TBCK: variants seen among roughly 807,000 people sequenced by gnomAD.
TBCK encodes the protein TBC1 domain containing kinase, also known as TBC domain-containing protein kinase-like protein.
TBCK carries 99 observed loss-of-function variants against 113.4 expected under a neutral mutation model. That is an observed-to-expected ratio of 0.87 (90% confidence interval 0.74 to 1.03). The LOEUF (loss-of-function observed/expected upper bound fraction) is 1.03, where lower values mean the gene tolerates loss of function less well. Among genes scored for constraint, TBCK ranks in the 50% least tolerant of loss-of-function variants. The probability of loss-of-function intolerance (pLI) is 0.00; values close to 1 mark genes in which losing one functional copy is unlikely to be tolerated. For synonymous variants in TBCK, 369 were observed against 370.8 expected (o/e 1.00, Z 0.05); for missense variants, 1,045 against 1,061.3 (o/e 0.98, Z 0.21).
intron 23 of TBCK, among the ~76,000 whole-genome samples, chr4:106,149,206 AC>A (rs910321230): frequency 6.6e-6 from 1 of 152,062 alleles, no homozygotes; most frequent in Non-Finnish European, 1.5e-5. Flanking sequence ...GACCACTAAA[AC>A]TTTCTCCATA....
At chr4:106,279,762 C>A (rs1764394589) in intron 3 of TBCK, among the ~76,000 whole-genome samples, 2 of 152,116 alleles carry the variant, frequency 1.3e-5, no homozygotes, top group Admixed American at 1.3e-4. Flanking sequence ...ATGACAGGCT[C>A]TAATTCTTTC....
chr4:106,258,269 A>G (rs1012308334), intron 5 of TBCK, among the ~76,000 whole-genome samples: 1 of 152,030 alleles, frequency 6.6e-6, no homozygotes. Flanking sequence ...ATGTTTTAAT[A>G]AGGTATTAAG....
In TBCK at chr4:106,076,266, T is replaced by G. The variant is rs762876985; in HGVS notation, c.2571+19216A>C. On this transcript the variant is annotated intron_variant, in intron 25 of 25. Coordinates refer to ENST00000394708, the MANE Select transcript of TBCK (RefSeq NM_001163435.3). ...GCATCCATGACTGGGATTATTACCATTTTTGGGATTTCTTTAGGCCATATA... is the reference window on the plus strand; with the variant it reads ...GCATCCATGACTGGGATTATTACCAGTTTTGGGATTTCTTTAGGCCATATA... 2.4e-4 allele frequency among the ~76,000 whole-genome samples: 36 copies of G among 152,112 alleles called. 1 individual carries two copies. Among genetic ancestry groups the G allele is most frequent in the Non-Finnish European group, 3.4e-4 (23 of 68,008 alleles).
intron 20 of TBCK, among the ~76,000 whole-genome samples, chr4:106,198,199 T>A (rs1754479452): frequency 1.3e-5 from 2 of 152,152 alleles, no homozygotes; most frequent in African/African-American, 2.4e-5. Context: ...TTGGTCAAGT[T>A]AGTTAACCTC....
At chr4:106,205,223 A>AT (rs1304838902) in intron 20 of TBCK, among the ~76,000 whole-genome samples, 1 of 152,176 alleles carries the variant, frequency 6.6e-6, no homozygotes, top group Non-Finnish European at 1.5e-5. Flanking sequence ...ACCTGTTGTG[A>AT]TATTAATAAA....
chr4:106,121,654 T>C (rs1262855831), intron 23 of TBCK, among the ~76,000 whole-genome samples: 2 of 152,108 alleles, frequency 1.3e-5, no homozygotes, highest in African/African-American at 2.4e-5. Flanking sequence ...TGTAAAAGAA[T>C]AGAGATTATA....
intron 3 of TBCK, among the ~76,000 whole-genome samples, chr4:106,268,528 C>T (rs1238905897): frequency 1.3e-5 from 2 of 152,004 alleles, no homozygotes; most frequent in Non-Finnish European, 2.9e-5. Flanking sequence ...TAGAATAACA[C>T]CTCAAGATAG....
At chr4:106,143,771 G>A (rs761283833) in intron 23 of TBCK, among the ~76,000 whole-genome samples, 30 of 151,980 alleles carry the variant, frequency 2.0e-4, no homozygotes, top group East Asian at 5.8e-4. Context: ...AAAATTAGCC[G>A]GGCATGGTGG....
At chr4:106,191,541 C>T (rs1753663915) in intron 22 of TBCK, among the ~76,000 whole-genome samples, 1 of 152,058 alleles carries the variant, frequency 6.6e-6, no homozygotes, top group South Asian at 2.1e-4. Context: ...AGCTAGGCAG[C>T]TTTGAAAATA....
intron 3 of TBCK, among the ~76,000 whole-genome samples, chr4:106,281,920 G>C (rs1764636214): frequency 6.6e-6 from 1 of 152,070 alleles, no homozygotes; most frequent in Non-Finnish European, 1.5e-5. Flanking sequence ...TGGCCTCGTA[G>C]AATGAGCTTA....
intron 3 of TBCK, among the ~76,000 whole-genome samples, chr4:106,267,837 T>C (rs573303792): frequency 4.8e-4 from 73 of 152,114 alleles, no homozygotes; most frequent in Non-Finnish European, 8.7e-4. Context: ...GATTAAATCG[T>C]CCATAAATCA....
chr4:106,295,878 C>T (rs1766249269), intron 2 of TBCK, among the ~76,000 whole-genome samples: 1 of 152,012 alleles, frequency 6.6e-6, no homozygotes, highest in African/African-American at 2.4e-5. Flanking sequence ...TTCTAGGCTA[C>T]ATGGTTCATC....
At chr4:106,216,423 C>A (rs1361486253) in intron 19 of TBCK, among the ~76,000 whole-genome samples, 1 of 152,070 alleles carries the variant, frequency 6.6e-6, no homozygotes, top group Non-Finnish European at 1.5e-5. Context: ...TTACTGAATC[C>A]AGGAGCTGGT....
At chr4:106,197,413 A>G (rs13435407) in intron 20 of TBCK, among the ~76,000 whole-genome samples, 9,733 of 100,748 alleles carry the variant, frequency 0.097, 381 homozygotes, top group Non-Finnish European at 0.12. Flanking sequence ...GTGTGTGTGT[A>G]TATATATATA....
chr4:106,178,631 T>C (rs1318136518), intron 22 of TBCK, among the ~76,000 whole-genome samples: 3 of 152,054 alleles, frequency 2.0e-5, no homozygotes, highest in African/African-American at 7.2e-5. Context: ...GATTTGCATA[T>C]GTTGAATCAT....
At chr4:106,298,757 A>G (rs1014017643) in intron 2 of TBCK, among the ~76,000 whole-genome samples, 9 of 152,336 alleles carry the variant, frequency 5.9e-5, no homozygotes, top group African/African-American at 1.9e-4. Flanking sequence ...AAAAAAGAAA[A>G]TCATACCAGT....
chr4:106,239,895 C>T (rs1257983049), intron 12 of TBCK, among the ~76,000 whole-genome samples: 2 of 151,550 alleles, frequency 1.3e-5, no homozygotes, highest in Non-Finnish European at 2.9e-5. Context: ...ACTAGTATAC[C>T]CCTGATACCA....
At chr4:106,143,387 G>T in intron 23 of TBCK, among the ~76,000 whole-genome samples, 1 of 152,196 alleles carries the variant, frequency 6.6e-6, no homozygotes, top group East Asian at 1.9e-4. Context: ...AGAAAACCCA[G>T]AGATTTCTAT....
At chr4:106,234,252 G>C (rs550647209) in intron 15 of TBCK, among the ~76,000 whole-genome samples, 2 of 152,198 alleles carry the variant, frequency 1.3e-5, no homozygotes, top group Non-Finnish European at 2.9e-5. Context: ...CCTGATACCT[G>C]AAGTCCTCTT....
Sources: allele counts gnomAD v4.1 joint callset (sites outside exome capture counted in the v4.1 genomes callset), GRCh38; gene constraint gnomAD v4.1.1; transcripts MANE v1.5; gene names NCBI Gene and HGNC (gene_info 2026-07-23, HGNC 2026-07-21).